Variants in ARVCF observed in about 807,000 individuals in gnomAD.
ARVCF encodes splicing regulator ARVCF.
Under a neutral mutation model 90.9 loss-of-function variants are expected in ARVCF, and 66 were observed. That is an observed-to-expected ratio of 0.73 (90% CI 0.60 to 0.89). ARVCF has a LOEUF of 0.89. ARVCF is among the 40% of genes least tolerant of loss of function. The pLI is 0.00. For missense variants in ARVCF, 1,469 were observed against 1,382.3 expected, an observed-to-expected ratio of 1.06 and a Z score of -1.00; for synonymous variants, 653 against 603.4, an observed-to-expected ratio of 1.08 and a Z score of -1.21.
intron 3 of ARVCF, among the ~76,000 whole-genome samples, chr22:19,984,484 G>A (rs115025891): frequency 0.013 from 1,934 of 152,264 alleles, 48 homozygotes; most frequent in African/African-American, 0.044. Context: ...AGCTAAAAAC[G>A]AGGGATGACT....
chr22:20,011,360 G>T (rs1944824373), intron 1 of ARVCF, among the ~76,000 whole-genome samples: 1 of 152,196 alleles, frequency 6.6e-6, no homozygotes, highest in African/African-American at 2.4e-5. Flanking sequence ...ATGGGAGGCT[G>T]TCTCTGGGGG....
intron 2 of ARVCF, among the ~76,000 whole-genome samples, chr22:20,000,707 G>C (rs1421639391): frequency 1.3e-5 from 2 of 152,234 alleles, no homozygotes; most frequent in Non-Finnish European, 2.9e-5. Flanking sequence ...ACAGTATTAA[G>C]AGGTAGGGCC....
intron 2 of ARVCF, among the ~76,000 whole-genome samples, chr22:19,998,249 A>T (rs1014157936): frequency 6.6e-6 from 1 of 152,162 alleles, no homozygotes; most frequent in Admixed American, 6.5e-5. Context: ...TTCCCCCCTC[A>T]TTGGAAGACG....
intron 14 of ARVCF, 36 bp downstream of exon 14, chr22:19,973,083 G>T: frequency 1.1e-5 from 15 of 1,370,746 alleles, no homozygotes; most frequent in Non-Finnish European, 1.5e-5. Context: ...CCCCACCTCC[G>T]CGGCTCCCCA....
At chr22:19,967,301 T>C (rs1297652195), downstream of ARVCF, 1 of 1,040,100 alleles carries the variant, frequency 9.6e-7, no homozygotes, top group Non-Finnish European at 1.3e-6. Flanking sequence ...TGGCCCAGAC[T>C]GGAAGGCAGC....
chr22:19,981,057 C>T, intron 5 of ARVCF, 154 bp downstream of exon 5: 1 of 1,048,296 alleles, frequency 9.5e-7, no homozygotes, highest in Non-Finnish European at 1.3e-6. Flanking sequence ...CAGGGTCCAC[C>T]TTTCTTCTGT....
Position 19,990,607 on chromosome 22 carries a change from GC to G in ARVCF, c.187del (p.Ala63ProfsTer32). The G allele has an allele frequency of 6.2e-7, 1 of 1,609,438 alleles. No individual in the cohort carries two copies. The highest frequency in any genetic ancestry group is 8.5e-7 in the Non-Finnish European group (1 of 1,178,188). On this transcript the variant is annotated frameshift_variant, in exon 3 of 20. Transcript: ENST00000263207. LOFTEE classifies it high-confidence loss of function. ...GMGSGQPLPM[A>X]WQQLVLQEQS... is the part of the protein sequence containing the mutation. ...TACCTGGAGGACCAGCTGTTGCCAG[GC>G]CATTGGCAGGGGCTGCCCACTGCCC...
chr22:19,973,425 G>A, intron 13 of ARVCF, 108 bp from the exon 14 acceptor site: 13 of 1,390,104 alleles, frequency 9.4e-6, no homozygotes, highest in Non-Finnish European at 1.0e-5. Context: ...CCTGGAGACC[G>A]CCTGTGTGCA....
At chr22:19,986,646 C>T in intron 3 of ARVCF, 1 of 164,294 alleles carries the variant, frequency 6.1e-6, no homozygotes, top group Non-Finnish European at 1.3e-5. Flanking sequence ...GAGCAGAAGG[C>T]CTACCCGGGC....
chr22:19,992,092 C>G (rs1569180316), intron 2 of ARVCF, among the ~76,000 whole-genome samples: 1 of 152,232 alleles, frequency 6.6e-6, no homozygotes. Context: ...TCAGCTGCGC[C>G]AGCAACACGG....
chr22:20,005,811 A>G (rs967178881), intron 2 of ARVCF, among the ~76,000 whole-genome samples: 1 of 151,912 alleles, frequency 6.6e-6, no homozygotes. Context: ...AAAAAAAAAA[A>G]GAATTGAAAG....
chr22:19,991,409 C>T (rs1339903239), intron 2 of ARVCF, among the ~76,000 whole-genome samples: 2 of 152,250 alleles, frequency 1.3e-5, no homozygotes, highest in African/African-American at 4.8e-5. Context: ...CCAGCCTCCA[C>T]TCATATCCAC....
Position 19,981,269 on chromosome 22 carries a change from G to C in ARVCF, c.838C>G (p.Pro280Ala), listed in dbSNP as rs368570186. 29 of 1,570,476 alleles carry C rather than the reference G, an allele frequency of 1.8e-5. No individual in the cohort carries two copies. The highest frequency in any genetic ancestry group is 6.8e-5 in the African/African-American group (5 of 73,736). Residue 280 changes from proline (P) to alanine (A), a missense_variant, in exon 5 of 20, where the codon CCT (proline) becomes GCT (alanine). By Grantham distance (27) the Pro-to-Ala change is conservative. Transcript: ENST00000263207. ...ADDEGGPELE[P>A]DYGTATRRRP... is the part of the protein sequence containing the mutation. ...CTCCTTGTGGCCGTGCCATAGTCAG[G>C]CTCCAGCTCAGGGCCACCCTCGTCA... is the stretch of plus-strand genomic sequence containing the variant.
intron 2 of ARVCF, among the ~76,000 whole-genome samples, chr22:19,991,393 A>G (rs1007182653): frequency 6.6e-6 from 1 of 152,260 alleles, no homozygotes; most frequent in Non-Finnish European, 1.5e-5. Context: ...TCTGCAGACC[A>G]GCAGTCCAGC....
chr22:19,974,023 C>T, intron 12 of ARVCF, 89 bp downstream of exon 12: 1 of 1,531,032 alleles, frequency 6.5e-7, no homozygotes, highest in South Asian at 1.2e-5. Context: ...CCCTCCTTTC[C>T]CCGCCAGCCG....
rs771538529 is a variant in ARVCF at position 19,971,294 on chromosome 22, C to A, written c.2823G>T (p.Arg941Ser). Residue 941 changes from arginine to serine, a missense_variant, in exon 19 of 20, where the codon AGG becomes AGT. Arg to Ser is a moderately radical substitution (Grantham distance 110). Transcript: ENST00000263207. ...SRKAPPPGPS[R>S]PAVRLVDAVG... Reference sequence around the variant, plus strand: ...CGGCGTCCACCAGCCTGACCGCGGGCCTGCTGGGCCCGGGGGGAGGGGCCT... The same window carrying A: ...CGGCGTCCACCAGCCTGACCGCGGGACTGCTGGGCCCGGGGGGAGGGGCCT... 1.3e-5 allele frequency: 20 copies of A among 1,556,274 alleles called. No homozygotes were observed. The Admixed American group carries it at 3.9e-4, about 30-fold the overall frequency.
intron 1 of ARVCF, among the ~76,000 whole-genome samples, chr22:20,015,655 C>A (rs1175955217): frequency 3.3e-5 from 5 of 152,078 alleles, no homozygotes; most frequent in African/African-American, 9.7e-5. Context: ...TCCCACTGCA[C>A]CCCCCTGGCC....
At chr22:19,984,589 A>G (rs1297711408) in intron 3 of ARVCF, among the ~76,000 whole-genome samples, 1 of 152,214 alleles carries the variant, frequency 6.6e-6, no homozygotes, top group East Asian at 1.9e-4. Context: ...CATATACATG[A>G]CCCCTCAGAC....
chr22:19,985,876 C>T (rs890904524), intron 3 of ARVCF, among the ~76,000 whole-genome samples: 15 of 152,326 alleles, frequency 9.8e-5, no homozygotes, highest in Non-Finnish European at 1.9e-4. Flanking sequence ...GGCTGCTGTC[C>T]GATGGATGAA....
Sources: gnomAD v4.1 joint callset for allele counts (sites outside exome capture counted in the v4.1 genomes callset) on GRCh38, gnomAD v4.1.1 for gene constraint, MANE v1.5 for transcripts, NCBI Gene and HGNC (gene_info 2026-07-23, HGNC 2026-07-21) for gene names.